MMP26: variants seen among roughly 807,000 people sequenced by gnomAD.
MMP26 encodes the protein matrix metallopeptidase 26.
A neutral mutation model predicts 31.0 loss-of-function variants in MMP26; 33 were observed. The observed-to-expected ratio is 1.06, with a 90% CI of 0.81 to 1.42. The LOEUF (loss-of-function observed/expected upper bound fraction) is 1.42. Ranked by LOEUF, MMP26 falls within the 40% of genes most tolerant of loss-of-function variation. The probability of loss-of-function intolerance (pLI) is 0.00; values close to 1 mark genes in which losing one functional copy is unlikely to be tolerated. For synonymous variants in MMP26, 122 were observed against 114.9 expected (o/e 1.06, Z -0.40); for missense variants, 347 against 316.1 (o/e 1.10, Z -0.74).
chr11:4,718,424 T>G (rs1285753408), intron 1 of MMP26, among the ~76,000 whole-genome samples: 1 of 152,222 alleles, frequency 6.6e-6, no homozygotes, highest in Non-Finnish European at 1.5e-5. Flanking sequence ...TGTTTTCTGC[T>G]CCTTTGTTTG....
intron 1 of MMP26, chr11:4,709,546 A>C (rs948221692): frequency 1.9e-5 from 8 of 415,232 alleles, no homozygotes; most frequent in African/African-American, 1.4e-4. Flanking sequence ...TTTTCCTCAA[A>C]GACATCTGCT....
At chr11:4,904,549 T>C (rs1159515668) in intron 2 of MMP26, among the ~76,000 whole-genome samples, 1 of 152,126 alleles carries the variant, frequency 6.6e-6, no homozygotes, top group East Asian at 1.9e-4. Flanking sequence ...TTAAATTTTG[T>C]ATTATGTACA....
In MMP26 at chr11:4,988,162, G is replaced by A; in HGVS notation, c.-50G>A. The A allele has an allele frequency of 6.6e-7, 1 of 1,525,936 alleles. No homozygotes were observed. The allele number at this position is 1,525,936 out of a possible 1,614,324, so 94.5% of individuals were successfully genotyped here. A position where few individuals can be genotyped will look rare whatever the true frequency, so the allele number is the denominator to read the frequency against. On this transcript the variant is annotated 5_prime_UTR_variant, in exon 3 of 8. The change creates a premature stop within an existing upstream ORF in the 5' untranslated region. Transcript: ENST00000380390. The stretch of plus-strand genomic sequence containing the variant: ...CTGGCACAGCTATAAAGATCCAGTG[G>A]CCCAAGTTGTGTACCTGAATTCAAG...
At chr11:4,923,306 A>G (rs1176910267) in intron 2 of MMP26, 2 of 1,476,936 alleles carry the variant, frequency 1.4e-6, no homozygotes, top group Non-Finnish European at 1.8e-6. Context: ...TTATTTTGCC[A>G]CAGCACAGCT....
chr11:4,983,739 G>T (rs1230848055), intron 2 of MMP26, among the ~76,000 whole-genome samples: 5 of 152,078 alleles, frequency 3.3e-5, no homozygotes, highest in Non-Finnish European at 7.4e-5. Context: ...AAATTCACAG[G>T]TCTTTTGTTC....
In MMP26 at chr11:4,987,315, C is replaced by G. The variant is rs546165585; in HGVS notation, c.-144-753C>G. Reference sequence around the variant, plus strand: ...CAACTTATTATCAATGCTTTGTTTTCTTCAACATATAGCTATTAACTACCT... The same window carrying G: ...CAACTTATTATCAATGCTTTGTTTTGTTCAACATATAGCTATTAACTACCT... On this transcript the variant is annotated intron_variant, in intron 2 of 7. Transcript: ENST00000380390. Among the ~76,000 whole-genome samples the G allele has an allele frequency of 2.6e-5, 4 of 152,158 alleles. 1 individual carries two copies. In the South Asian group the frequency reaches 8.3e-4, roughly 32 times the overall value.
intron 2 of MMP26, among the ~76,000 whole-genome samples, chr11:4,835,811 C>A (rs898374871): frequency 1.3e-5 from 2 of 152,114 alleles, no homozygotes; most frequent in Non-Finnish European, 2.9e-5. Context: ...AGCTATAAAG[C>A]TCTTTATTCT....
intron 2 of MMP26, chr11:4,924,275 AG>A: frequency 6.2e-7 from 1 of 1,613,972 alleles, no homozygotes; most frequent in Non-Finnish European, 8.5e-7. Context: ...GAGACCTTCT[AG>A]ACCTTGGAAG....
At chr11:4,926,783 G>A (rs1851279539) in intron 2 of MMP26, among the ~76,000 whole-genome samples, 2 of 152,234 alleles carry the variant, frequency 1.3e-5, no homozygotes, top group South Asian at 4.1e-4. Flanking sequence ...ATAAATAAAA[G>A]CACATCATGA....
chr11:4,922,113 G>C (rs1210592430), intron 2 of MMP26, among the ~76,000 whole-genome samples: 1 of 152,104 alleles, frequency 6.6e-6, no homozygotes, highest in Non-Finnish European at 1.5e-5. Context: ...TTGACTTTCT[G>C]TTTCTGAGAT....
chr11:4,758,247 G>A (rs1473895453), intron 1 of MMP26, among the ~76,000 whole-genome samples: 1 of 151,628 alleles, frequency 6.6e-6, no homozygotes, highest in East Asian at 2.0e-4. Flanking sequence ...CCAGATGCAG[G>A]ATATTACATA....
At chr11:4,917,527 C>G (rs985843232) in intron 2 of MMP26, among the ~76,000 whole-genome samples, 4 of 152,120 alleles carry the variant, frequency 2.6e-5, no homozygotes, top group Non-Finnish European at 5.9e-5. Context: ...TACACAGACA[C>G]TTTCTCACTC....
At chr11:4,705,424 C>T (rs552039201) in intron 1 of MMP26, among the ~76,000 whole-genome samples, 1 of 152,304 alleles carries the variant, frequency 6.6e-6, no homozygotes, top group Non-Finnish European at 1.5e-5. Flanking sequence ...TCTTACCCTG[C>T]TTTCTCACCC....
chr11:4,765,987 C>T (rs912865016), intron 1 of MMP26, among the ~76,000 whole-genome samples: 1 of 152,150 alleles, frequency 6.6e-6, no homozygotes, highest in African/African-American at 2.4e-5. Flanking sequence ...AGCTACATTC[C>T]TTGGTGTTCT....
intron 2 of MMP26, among the ~76,000 whole-genome samples, chr11:4,814,811 T>C (rs1589909137): frequency 1.3e-5 from 2 of 152,238 alleles, no homozygotes; most frequent in East Asian, 1.9e-4. Context: ...TTAGAGAAAA[T>C]TAGAGCATAG....
At chr11:4,705,991 G>C (rs1243714676) in intron 1 of MMP26, among the ~76,000 whole-genome samples, 1 of 141,412 alleles carries the variant, frequency 7.1e-6, no homozygotes, top group South Asian at 2.2e-4. Flanking sequence ...TGGTGGTGGT[G>C]GGGGGAGCTG....
chr11:4,866,711 G>A (rs902334230), intron 2 of MMP26, among the ~76,000 whole-genome samples: 5 of 152,140 alleles, frequency 3.3e-5, no homozygotes, highest in Admixed American at 6.6e-5. Flanking sequence ...AACCAAAACA[G>A]CATGGTACAG....
intron 2 of MMP26, chr11:4,876,084 A>G (rs1197413082): frequency 6.6e-6 from 1 of 152,156 alleles, no homozygotes; most frequent in Non-Finnish European, 1.5e-5. Flanking sequence ...GATCACAACC[A>G]AGATGCACAC....
chr11:4,732,821 T>C (rs755547367), intron 1 of MMP26, among the ~76,000 whole-genome samples: 2 of 152,266 alleles, frequency 1.3e-5, no homozygotes, highest in Non-Finnish European at 2.9e-5. Context: ...GCTGAATAAA[T>C]ATTCCATTGC....
Sources: allele counts gnomAD v4.1 joint callset (sites outside exome capture counted in the v4.1 genomes callset), GRCh38; gene constraint gnomAD v4.1.1; transcripts MANE v1.5; gene names NCBI Gene and HGNC (gene_info 2026-07-23, HGNC 2026-07-21).